Variants in CLIP4 observed in about 807,000 individuals in gnomAD.
The protein encoded by CLIP4 is CAP-Gly domain containing linker protein family member 4, also known as CAP-Gly domain-containing linker protein 4.
Under a neutral mutation model 73.1 loss-of-function variants are expected in CLIP4, and 47 were observed. The ratio of observed to expected loss-of-function variants is 0.64; its 90% CI spans 0.51 to 0.82. CLIP4 has a LOEUF of 0.82. Among genes scored for constraint, CLIP4 ranks in the 40% least tolerant of loss-of-function variants. The probability of loss-of-function intolerance (pLI) is 0.00; values close to 1 mark genes in which losing one functional copy is unlikely to be tolerated. For missense variants in CLIP4, 874 were observed against 852.9 expected (o/e 1.02, Z -0.31); for synonymous variants, 306 against 295.4 (o/e 1.04, Z -0.37).
intron 14 of CLIP4, among the ~76,000 whole-genome samples, chr2:29,173,153 T>A (rs551626460): frequency 1.2e-3 from 185 of 152,314 alleles, no homozygotes; most frequent in African/African-American, 4.2e-3. Flanking sequence ...CAGAGAAGAT[T>A]GTGTCTACCT....
intron 15 of CLIP4, among the ~76,000 whole-genome samples, chr2:29,176,541 G>A (rs191765965): frequency 2.7e-4 from 41 of 152,286 alleles, no homozygotes; most frequent in Non-Finnish European, 1.3e-4. Flanking sequence ...AAATGGTAGT[G>A]AGGAATGCGT....
chr2:29,169,205 T>C (rs1667835925), intron 14 of CLIP4, among the ~76,000 whole-genome samples: 1 of 152,204 alleles, frequency 6.6e-6, no homozygotes. Context: ...ATTTATTTTC[T>C]CACAATTTCG....
rs1033381354 is a variant in CLIP4, at chr2:29,116,580, A to G, written c.-16+915A>G. On this transcript the variant is annotated intron_variant, in intron 1 of 15. Coordinates refer to ENST00000320081, the MANE Select transcript of CLIP4 (RefSeq NM_024692.6). ...TGAGTCGTCTAAACAGCACAGGATC[A>G]CGTGGTGCGGGGCATTGAGCAACTG... is the stretch of plus-strand genomic sequence containing the variant. 7.2e-5 allele frequency among the ~76,000 whole-genome samples: 11 copies of G among 152,348 alleles called. No homozygotes were observed. The South Asian group carries it at 1.7e-3, about 23-fold the overall frequency.
At chr2:29,119,756 A>G (rs1664129045) in intron 1 of CLIP4, among the ~76,000 whole-genome samples, 1 of 152,044 alleles carries the variant, frequency 6.6e-6, no homozygotes, top group African/African-American at 2.4e-5. Context: ...CCCCTTTTAT[A>G]TTGATACCTA....
chr2:29,120,213 G>A (rs937446275), intron 1 of CLIP4, among the ~76,000 whole-genome samples: 2 of 152,104 alleles, frequency 1.3e-5, no homozygotes, highest in African/African-American at 2.4e-5. Context: ...AACTGGATTA[G>A]GTTACCTAAT....
chr2:29,147,137 T>G (rs1287981257), intron 8 of CLIP4, among the ~76,000 whole-genome samples: 1 of 152,164 alleles, frequency 6.6e-6, no homozygotes, highest in Non-Finnish European at 1.5e-5. Flanking sequence ...ATAGCTCCAT[T>G]TCCTTTAATT....
At chr2:29,168,818 A>G (rs1024405382) in intron 14 of CLIP4, among the ~76,000 whole-genome samples, 34 of 151,962 alleles carry the variant, frequency 2.2e-4, no homozygotes, top group African/African-American at 7.7e-4. Flanking sequence ...CACCACGCCC[A>G]GCCTGCACTT....
chr2:29,097,957 A>T (rs1377419407), intron 1 of CLIP4: 1 of 152,224 alleles, frequency 6.6e-6, no homozygotes, highest in Non-Finnish European at 1.5e-5. Context: ...GGTAAGTCTC[A>T]CTAGAAAACC....
chr2:29,152,751 C>G lies in CLIP4; in HGVS notation c.1088C>G (p.Pro363Arg), dbSNP rs1176397805. The G allele has an allele frequency of 9.3e-6, 15 of 1,613,660 alleles. No individual in the cohort carries two copies. The highest frequency in any genetic ancestry group is 6.7e-5 in the Admixed American group (4 of 59,956). Residue 363 changes from proline to arginine, a missense_variant, in exon 9 of 16, where the codon CCT becomes CGT. Coordinates refer to ENST00000320081, the MANE Select transcript of CLIP4 (RefSeq NM_024692.6). ...KGRRKNITHTPSTKAAVPLIR... is the reference protein window; with the variant it reads ...KGRRKNITHTRSTKAAVPLIR... ...CGAAGGAAGAATATAACACACACTC[C>G]TTCTACAAAAGCTGCTGTACCTCTC...
At chr2:29,160,240 A>AT (rs1004133509) in intron 11 of CLIP4, 93 bp from the exon 12 acceptor site, 19 of 1,527,154 alleles carry the variant, frequency 1.2e-5, no homozygotes, top group African/African-American at 4.1e-5. Flanking sequence ...ACCTAGTGTG[A>AT]TTTTTTGGCT....
At chr2:29,160,526 T>G (rs1403932976) in intron 12 of CLIP4, 59 bp downstream of exon 12, 25 of 1,569,854 alleles carry the variant, frequency 1.6e-5, no homozygotes, top group Non-Finnish European at 2.2e-5. Flanking sequence ...GGTTTAAAAT[T>G]TTACATGTAA....
At chr2:29,156,787 T>C (rs1666953131) in intron 10 of CLIP4, among the ~76,000 whole-genome samples, 1 of 152,204 alleles carries the variant, frequency 6.6e-6, no homozygotes, top group South Asian at 2.1e-4. Flanking sequence ...GAGTATTCCT[T>C]CTTGCCTTCT....
chr2:29,101,417 T>C (rs1319476994), intron 1 of CLIP4, among the ~76,000 whole-genome samples: 1 of 151,416 alleles, frequency 6.6e-6, no homozygotes, highest in East Asian at 1.9e-4. Context: ...ATCCAAAAGC[T>C]GAAGAAAATG....
In CLIP4 at chr2:29,157,102, G is replaced by A. The variant is rs536366237; in HGVS notation, c.1256-102G>A. ...ATTTGACACTAGATAATCCATAATT[G>A]AGGAAGTTAAATGAAGAATTTCAGA... On this transcript the variant is annotated intron_variant, in intron 10 of 15. Coordinates refer to ENST00000320081, the MANE Select transcript of CLIP4 (RefSeq NM_024692.6). The A allele has an allele frequency of 5.2e-6, 5 of 960,730 alleles. No individual in the cohort carries two copies. In the South Asian group the frequency reaches 6.9e-5, roughly 13 times the overall value. 59.5% of individuals were successfully genotyped at this position (960,730 alleles called of 1,614,324 possible).
chr2:29,124,733 T>C (rs1664487753), intron 2 of CLIP4, among the ~76,000 whole-genome samples: 1 of 152,216 alleles, frequency 6.6e-6, no homozygotes, highest in African/African-American at 2.4e-5. Flanking sequence ...TTTTTTCCAG[T>C]GCAGTTTTCA....
At position 29,174,459 on chromosome 2, in the gene CLIP4, A is replaced by C. The variant is rs201649836; in HGVS notation, c.1796+14A>C. ...TGCTTTTTCCAAGTGAGTATTAAGA[A>C]GATTTAGAAAAACACCTTTCAAGAT... On this transcript the variant is annotated intron_variant, in intron 15 of 15. Coordinates refer to ENST00000320081, the MANE Select transcript of CLIP4 (RefSeq NM_024692.6). 41 of 1,606,432 alleles carry C rather than the reference A, an allele frequency of 2.6e-5. No individual in the cohort carries two copies. In the East Asian group the frequency reaches 9.2e-4, roughly 36 times the overall value.
chr2:29,165,005 A>G (rs1047017310), intron 13 of CLIP4, among the ~76,000 whole-genome samples: 2 of 152,206 alleles, frequency 1.3e-5, no homozygotes, highest in African/African-American at 4.8e-5. Context: ...ACATTTGTTG[A>G]GCATTTAGTG....
rs140369618 is a variant in CLIP4, at chr2:29,138,737, A to T, written c.648+3071A>T. Among the ~76,000 whole-genome samples the T allele has an allele frequency of 3.1e-3, 470 of 151,884 alleles. 1 individual carries two copies. The highest frequency in any genetic ancestry group is 0.011 in the African/African-American group (449 of 41,452). Reference sequence around the variant, plus strand: ...TCCTTGGTTAGATGTATTCCTTGGTATTTTTATTATTATTTTGTGGCTGTT... The same window carrying T: ...TCCTTGGTTAGATGTATTCCTTGGTTTTTTTATTATTATTTTGTGGCTGTT... On this transcript the variant is annotated intron_variant, in intron 6 of 15. Transcript: ENST00000320081.
chr2:29,125,145 T>C (rs779908702), intron 2 of CLIP4, among the ~76,000 whole-genome samples: 13 of 152,194 alleles, frequency 8.5e-5, no homozygotes, highest in Non-Finnish European at 1.8e-4. Context: ...TGTTCCCTAC[T>C]ACTGAGAATT....
Sources: gnomAD v4.1 joint callset for allele counts (sites outside exome capture counted in the v4.1 genomes callset) on GRCh38, gnomAD v4.1.1 for gene constraint, MANE v1.5 for transcripts, NCBI Gene and HGNC (gene_info 2026-07-23, HGNC 2026-07-21) for gene names.